The following CRTC1 variants were observed in gnomAD, a reference collection of about 807,000 sequenced individuals.
CRTC1 encodes CREB-regulated transcription coactivator 1.
A neutral mutation model predicts 66.1 loss-of-function variants in CRTC1; 18 were observed. That is an observed-to-expected ratio of 0.27 (90% CI 0.19 to 0.40). The LOEUF (loss-of-function observed/expected upper bound fraction) is 0.40, where lower values mean the gene tolerates loss of function less well. Ranked by LOEUF, CRTC1 falls within the 10% of genes least tolerant of loss-of-function variation. The pLI, the probability that CRTC1 is intolerant of heterozygous loss-of-function variation, is 1.00. For synonymous variants in CRTC1, 416 were observed against 398.8 expected, an observed-to-expected ratio of 1.04 and a Z score of -0.51; for missense variants, 669 against 887.9, an observed-to-expected ratio of 0.75 and a Z score of 3.13.
chr19:18,777,204 A>C lies in CRTC1; in HGVS notation c.1727A>C (p.Glu576Ala). 2.1e-6 allele frequency: 3 copies of C among 1,417,780 alleles called. 1 individual carries two copies. In the South Asian group the frequency reaches 3.4e-5, roughly 16 times the overall value. The allele number at this position is 1,417,780 out of a possible 1,614,324, so 87.8% of individuals were successfully genotyped here. The change falls in exon 14 of 14, where the codon GAA becomes GCA. Residue 576 changes from glutamate to alanine, a missense_variant. By Grantham distance (107) the Glu-to-Ala change is moderately radical (BLOSUM62 -1). Around this residue, in one of 8 missense-constraint regions of CRTC1, gnomAD observed 91 missense variants for 99.1 expected, o/e 0.92. Coordinates refer to ENST00000321949, the MANE Select transcript of CRTC1 (RefSeq NM_015321.3). The surrounding 1 kb of genome is among the most constrained non-coding windows in gnomAD (Gnocchi z 5.5). ...GAGTCCCCCCCCAGCCTCTCTAAAG[A>C]ACTGACCAGCTCTCTGGCCGGGGTC... ...TGESPPSLSK[E>A]LTSSLAGVGD...
intron 2 of CRTC1, among the ~76,000 whole-genome samples, chr19:18,744,511 CAT>C (rs1230702929): frequency 4.7e-5 from 7 of 147,744 alleles, no homozygotes; most frequent in South Asian, 2.1e-4. Flanking sequence ...CACACACACA[CAT>C]ACACACACGT....
intron 13 of CRTC1, among the ~76,000 whole-genome samples, chr19:18,776,354 C>T (rs1054457995): frequency 3.3e-5 from 5 of 152,216 alleles, no homozygotes; most frequent in African/African-American, 9.6e-5. Context: ...CAGGAAGACC[C>T]GGCTCCATCT....
intron 1 of CRTC1, among the ~76,000 whole-genome samples, chr19:18,723,338 C>T (rs913403337): frequency 1.3e-5 from 2 of 152,186 alleles, no homozygotes; most frequent in Non-Finnish European, 2.9e-5. Flanking sequence ...CGTCCACCTA[C>T]CGTTTGTAAG....
Position 18,780,898 on chromosome 19 carries a change from C to T in CRTC1, c.*3516C>T, listed in dbSNP as rs2055089596. 4.5e-6 allele frequency: 1 copy of T among 222,002 alleles called. No individual in the cohort carries two copies. The highest frequency in any genetic ancestry group is 5.7e-5 in the Admixed American group (1 of 17,418). 13.8% of individuals were successfully genotyped at this position (222,002 alleles called of 1,614,324 possible). A position where few individuals can be genotyped will look rare whatever the true frequency, so the allele number is the denominator to read the frequency against. ...GCTCTGGTGCCTCCCTTAGGTGGGC[C>T]TTGAGCTGGTTTTTAACCAAACATC... On this transcript the variant is annotated 3_prime_UTR_variant, in exon 14 of 14. Coordinates refer to ENST00000321949, the MANE Select transcript of CRTC1 (RefSeq NM_015321.3).
chr19:18,768,667 G>A lies in CRTC1; in HGVS notation c.1194G>A (p.Leu398=), dbSNP rs2054792212. 6.5e-7 allele frequency: 1 copy of A among 1,547,582 alleles called. No individual in the cohort carries two copies. The highest frequency in any genetic ancestry group is 8.7e-7 in the Non-Finnish European group (1 of 1,147,700). ...TCCGCCTGCCCCCTGGTGGCCCCCT[G>A]TTGCCCAGCGCCAGCCTGACTCGTG... The part of the protein sequence containing the change: ...APVRLPPGGP[L]LPSASLTRGP... The change falls in exon 10 of 14, where the codon CTG becomes CTA. Residue 398 remains leucine, a synonymous_variant. Coordinates refer to ENST00000321949, the MANE Select transcript of CRTC1 (RefSeq NM_015321.3). The surrounding 1 kb of genome is among the most constrained non-coding windows in gnomAD (Gnocchi z 5.6).
chr19:18,776,015 G>A (rs2054981395), intron 13 of CRTC1, among the ~76,000 whole-genome samples, 194 bp downstream of exon 13: 1 of 152,202 alleles, frequency 6.6e-6, no homozygotes, highest in South Asian at 2.1e-4. Flanking sequence ...GCCAGGCCAG[G>A]CCAGGGAGAT....
intron 1 of CRTC1, among the ~76,000 whole-genome samples, chr19:18,701,170 G>A (rs1390244836): frequency 6.6e-6 from 1 of 152,254 alleles, no homozygotes; most frequent in East Asian, 1.9e-4. Flanking sequence ...GGAGCCTGAA[G>A]GTCCACCATG....
intron 7 of CRTC1, 71 bp from the exon 8 acceptor site, chr19:18,759,937 C>T: frequency 7.9e-7 from 1 of 1,264,454 alleles, no homozygotes; most frequent in Non-Finnish European, 1.1e-6. Context: ...TTTTCTCCCG[C>T]CAGCCCCCTG....
At chr19:18,747,826 C>G (rs1170531925) in intron 4 of CRTC1, among the ~76,000 whole-genome samples, 1 of 152,106 alleles carries the variant, frequency 6.6e-6, no homozygotes, top group Non-Finnish European at 1.5e-5. Flanking sequence ...GCCTGTAATC[C>G]CAGCACTTTT....
At chr19:18,691,203 A>AAG (rs2052826375) in intron 1 of CRTC1, among the ~76,000 whole-genome samples, 1 of 150,680 alleles carries the variant, frequency 6.6e-6, no homozygotes, top group South Asian at 2.1e-4. Flanking sequence ...AAAAAAAAAA[A>AAG]AAGAAAAAGA....
At chr19:18,763,458 C>T (rs1189413589) in intron 8 of CRTC1, among the ~76,000 whole-genome samples, 1 of 152,228 alleles carries the variant, frequency 6.6e-6, no homozygotes, top group Non-Finnish European at 1.5e-5. Context: ...AAGGGCCCTA[C>T]CGTCTGGCCG....
intron 6 of CRTC1, among the ~76,000 whole-genome samples, chr19:18,755,195 G>C (rs1002198802): frequency 1.3e-5 from 2 of 151,894 alleles, no homozygotes; most frequent in African/African-American, 4.8e-5. Flanking sequence ...CACCATGTTG[G>C]CCAGGCTGGT....
chr19:18,764,350 G>A (rs1412088942), intron 8 of CRTC1, among the ~76,000 whole-genome samples: 1 of 152,236 alleles, frequency 6.6e-6, no homozygotes, highest in African/African-American at 2.4e-5. Flanking sequence ...GAGGGCGGCT[G>A]TTATCGTCGC....
intron 1 of CRTC1, among the ~76,000 whole-genome samples, chr19:18,696,985 C>G (rs2053005014): frequency 6.6e-6 from 1 of 151,994 alleles, no homozygotes; most frequent in Non-Finnish European, 1.5e-5. Context: ...GAACACACCC[C>G]CACTTTATTT....
intron 1 of CRTC1, among the ~76,000 whole-genome samples, chr19:18,712,829 A>G (rs1216657766): frequency 6.6e-6 from 1 of 152,090 alleles, no homozygotes; most frequent in Non-Finnish European, 1.5e-5. Context: ...GCATGGTGGC[A>G]TACGGCTGTA....
chr19:18,706,470 G>C (rs2053269234), intron 1 of CRTC1, among the ~76,000 whole-genome samples: 1 of 152,044 alleles, frequency 6.6e-6, no homozygotes, highest in East Asian at 1.9e-4. Context: ...GCCTCCCGAA[G>C]TGTTGGGATT....
At chr19:18,722,289 G>T (rs566692393) in intron 1 of CRTC1, among the ~76,000 whole-genome samples, 7 of 152,324 alleles carry the variant, frequency 4.6e-5, no homozygotes, top group Admixed American at 1.3e-4. Flanking sequence ...GGCATGCCAG[G>T]TGCCTCCCAG....
rs147646400 is a variant in CRTC1 at position 18,738,757 on chromosome 19, G to A, written c.127-4153G>A. 4.1e-3 allele frequency among the ~76,000 whole-genome samples: 626 copies of A among 152,308 alleles called. 4 individuals carry two copies. The highest frequency in any genetic ancestry group is 0.014 in the African/African-American group (599 of 41,568). ...AGAGGTTGCAGTGAGCCGAGATCGC[G>A]CCATTACACTCCAGCTTGGGCAACA... On this transcript the variant is annotated intron_variant, in intron 1 of 13. Transcript: ENST00000321949.
chr19:18,751,737 C>A (rs2054368503), intron 5 of CRTC1, among the ~76,000 whole-genome samples: 1 of 152,150 alleles, frequency 6.6e-6, no homozygotes, highest in Non-Finnish European at 1.5e-5. Context: ...ACTGGTCCCA[C>A]CTCCATCAGC....
Sources: allele counts gnomAD v4.1 joint callset (sites outside exome capture counted in the v4.1 genomes callset), GRCh38; gene constraint gnomAD v4.1.1; regional missense constraint gnomAD v4.1.1; non-coding constraint Gnocchi (gnomAD v3.1); transcripts MANE v1.5; gene names NCBI Gene and HGNC (gene_info 2026-07-23, HGNC 2026-07-21).